DIAPH3: variants seen among roughly 807,000 people sequenced by gnomAD.
The protein encoded by DIAPH3 is diaphanous related formin 3, also known as protein diaphanous homolog 3.
In DIAPH3, 117 loss-of-function variants were observed where a neutral mutation model predicts 144.3. That is an observed-to-expected ratio of 0.81 (90% CI 0.70 to 0.95). The LOEUF (loss-of-function observed/expected upper bound fraction) is 0.95, where lower values mean the gene tolerates loss of function less well. Ranked by LOEUF, DIAPH3 falls within the 40% of genes least tolerant of loss-of-function variation. The pLI, the probability that DIAPH3 is intolerant of heterozygous loss-of-function variation, is 0.00. For missense variants in DIAPH3, 1,421 were observed against 1,412.7 expected, an observed-to-expected ratio of 1.01 and a Z score of -0.09; for synonymous variants, 519 against 488.9, an observed-to-expected ratio of 1.06 and a Z score of -0.81.
Position 59,997,682 on chromosome 13 carries a change from C to T in DIAPH3, c.1015-5099G>A, listed in dbSNP as rs188317405. Among the ~76,000 whole-genome samples, 367 of 152,106 alleles carry T rather than the reference C, an allele frequency of 2.4e-3. 3 individuals carry two copies. The highest frequency in any genetic ancestry group is 0.01 in the Middle Eastern group (3 of 294). Reference sequence around the variant, plus strand: ...ATCCCTGAGCCCCATCCACGAGGACCATCCAGTTTTTCCAAAGGCCGACAG... The same window carrying T: ...ATCCCTGAGCCCCATCCACGAGGACTATCCAGTTTTTCCAAAGGCCGACAG... On this transcript the variant is annotated intron_variant, in intron 9 of 27. Coordinates refer to ENST00000400324, the MANE Select transcript of DIAPH3 (RefSeq NM_001042517.2).
intron 15 of DIAPH3, among the ~76,000 whole-genome samples, chr13:59,971,957 C>A (rs985323171): frequency 3.9e-5 from 6 of 152,212 alleles, no homozygotes; most frequent in African/African-American, 1.4e-4. Flanking sequence ...ACACTGATAG[C>A]ACCTTGTACT....
At chr13:59,734,251 T>C (rs1051807091) in intron 27 of DIAPH3, among the ~76,000 whole-genome samples, 1 of 152,170 alleles carries the variant, frequency 6.6e-6, no homozygotes, top group African/African-American at 2.4e-5. Flanking sequence ...TGATACATAA[T>C]ACGTGACATT....
chr13:60,021,686 A>AG (rs2054036652), intron 5 of DIAPH3, among the ~76,000 whole-genome samples: 1 of 148,554 alleles, frequency 6.7e-6, no homozygotes, highest in South Asian at 2.1e-4. Flanking sequence ...AAAAAAAAAG[A>AG]GCATAAAAGG....
At chr13:60,077,919 G>A (rs2057429985) in intron 4 of DIAPH3, among the ~76,000 whole-genome samples, 1 of 152,054 alleles carries the variant, frequency 6.6e-6, no homozygotes, top group Non-Finnish European at 1.5e-5. Flanking sequence ...AGCCTATAAG[G>A]AGAGAAGAGA....
intron 27 of DIAPH3, among the ~76,000 whole-genome samples, chr13:59,667,075 T>G (rs996182544): frequency 6.6e-6 from 1 of 152,236 alleles, no homozygotes; most frequent in Non-Finnish European, 1.5e-5. Context: ...AATGCCCATT[T>G]CCTTCTTCCT....
At chr13:60,097,609 AT>A (rs989249920) in intron 3 of DIAPH3, among the ~76,000 whole-genome samples, 47 of 152,332 alleles carry the variant, frequency 3.1e-4, no homozygotes, top group African/African-American at 1.1e-3. Context: ...TTATGGCAAC[AT>A]AAAAATGGAC....
chr13:59,865,832 A>G (rs2043883651), intron 21 of DIAPH3, among the ~76,000 whole-genome samples: 2 of 152,018 alleles, frequency 1.3e-5, no homozygotes, highest in Non-Finnish European at 2.9e-5. Context: ...ACATGGTAAT[A>G]ATTTAAATTT....
chr13:59,959,245 A>C (rs1404239220), intron 17 of DIAPH3, among the ~76,000 whole-genome samples: 1 of 152,202 alleles, frequency 6.6e-6, no homozygotes, highest in Non-Finnish European at 1.5e-5. Flanking sequence ...GGACTCCTAA[A>C]ATGGCCTTCC....
intron 1 of DIAPH3, among the ~76,000 whole-genome samples, chr13:60,149,685 GAA>G (rs1464815010): frequency 6.9e-6 from 1 of 145,292 alleles, no homozygotes; most frequent in African/African-American, 2.6e-5. Flanking sequence ...CCCAAGAGGT[GAA>G]GGCTGCAGTG....
intron 3 of DIAPH3, among the ~76,000 whole-genome samples, chr13:60,101,205 A>G (rs1253843709): frequency 6.6e-6 from 1 of 152,252 alleles, no homozygotes; most frequent in Non-Finnish European, 1.5e-5. Flanking sequence ...GCTGAGGTTT[A>G]GGAAAATTCT....
At position 60,015,884 on chromosome 13, in the gene DIAPH3, G is replaced by A. The variant is rs149812705; in HGVS notation, c.771+29C>T. The A allele has an allele frequency of 2.1e-5, 33 of 1,576,342 alleles. No homozygotes were observed. In the Admixed American group the frequency reaches 3.0e-4, roughly 14 times the overall value. ...AATCATATATTACAAAATTGGTGAC[G>A]GACAAATACTAATTACGTATGTACA... On this transcript the variant is annotated intron_variant, in intron 7 of 27. Transcript: ENST00000400324.
At position 59,802,644 on chromosome 13, in the gene DIAPH3, ATATTAT is replaced by A. The variant is rs777931224; in HGVS notation, c.3163+8138_3163+8143del. On this transcript the variant is annotated intron_variant, in intron 25 of 27. Transcript: ENST00000400324. ...AACAGAGTCTATGACTTATTGATCT[ATATTAT>A]TATTATTATTATTATTATTTTTTTT... 4.0e-3 allele frequency among the ~76,000 whole-genome samples: 244 copies of A among 61,518 alleles called. 12 individuals are homozygous for A. Among genetic ancestry groups the A allele is most frequent in the Middle Eastern group, 0.028 (2 of 72 alleles). The allele number at this position is 61,518 out of a possible 152,430, so 40.4% of individuals were successfully genotyped here.
chr13:59,829,626 C>A (rs1350721023), intron 24 of DIAPH3, among the ~76,000 whole-genome samples: 2 of 151,924 alleles, frequency 1.3e-5, no homozygotes, highest in East Asian at 3.9e-4. Context: ...CATTGATCAT[C>A]TGTTACTCAA....
At chr13:60,013,469 C>A (rs2053418898) in intron 7 of DIAPH3, 1 of 152,260 alleles carries the variant, frequency 6.6e-6, no homozygotes. Context: ...GCAACACACA[C>A]AGTTAACTGA....
intron 2 of DIAPH3, among the ~76,000 whole-genome samples, chr13:60,126,707 G>A (rs531766219): frequency 4.6e-5 from 7 of 152,226 alleles, no homozygotes; most frequent in South Asian, 2.1e-4. Context: ...ACAGGTCTCT[G>A]ACCACGAGGG....
intron 17 of DIAPH3, among the ~76,000 whole-genome samples, chr13:59,965,866 C>T (rs1237709100): frequency 6.6e-6 from 1 of 151,918 alleles, no homozygotes; most frequent in East Asian, 1.9e-4. Context: ...GCACAACATG[C>T]AATATGCACC....
chr13:59,729,362 T>C, intron 27 of DIAPH3, among the ~76,000 whole-genome samples: 1 of 152,074 alleles, frequency 6.6e-6, no homozygotes, highest in Non-Finnish European at 1.5e-5. Flanking sequence ...AGAGTTGGAA[T>C]AATGACCAGA....
intron 18 of DIAPH3, among the ~76,000 whole-genome samples, chr13:59,919,336 T>G (rs1020990211): frequency 6.6e-6 from 1 of 152,108 alleles, no homozygotes; most frequent in African/African-American, 2.4e-5. Flanking sequence ...CTAGTATGAT[T>G]GAATCCAATA....
At chr13:59,886,986 C>G (rs949587422) in intron 20 of DIAPH3, among the ~76,000 whole-genome samples, 8 of 152,030 alleles carry the variant, frequency 5.3e-5, no homozygotes, top group Non-Finnish European at 1.0e-4. Flanking sequence ...CCATAAAAGA[C>G]AAGTCATCTA....
Sources: gnomAD v4.1 joint callset for allele counts (sites outside exome capture counted in the v4.1 genomes callset) on GRCh38, gnomAD v4.1.1 for gene constraint, MANE v1.5 for transcripts, NCBI Gene and HGNC (gene_info 2026-07-23, HGNC 2026-07-21) for gene names.